CABLES2: variants seen among roughly 807,000 people sequenced by gnomAD.
CABLES2 encodes Cdk5 and Abl enzyme substrate 2, also known as CDK5 and ABL1 enzyme substrate 2.
In CABLES2, 35 loss-of-function variants were observed where a neutral mutation model predicts 44.8. The observed-to-expected ratio is 0.78, with a 90% CI of 0.60 to 1.04. The LOEUF (loss-of-function observed/expected upper bound fraction) is 1.04. Among genes scored for constraint, CABLES2 ranks in the 50% least tolerant of loss-of-function variants. CABLES2 has a pLI of 0.00. For missense variants in CABLES2, 566 were observed against 615.7 expected (o/e 0.92, Z 0.85); for synonymous variants, 282 against 281.1 (o/e 1.00, Z -0.03).
chr20:62,404,002 C>G (rs1569019859), intron 1 of CABLES2: 1 of 151,926 alleles, frequency 6.6e-6, no homozygotes, highest in African/African-American at 2.4e-5. Context: ...CCAGCCTAGA[C>G]AATATAGTGA....
intron 8 of CABLES2, 68 bp downstream of exon 8, chr20:62,392,321 A>G: frequency 8.8e-7 from 1 of 1,142,334 alleles, no homozygotes; most frequent in Non-Finnish European, 1.3e-6. Flanking sequence ...AGAATCTACC[A>G]GAAACTGGAG....
At chr20:62,397,060 C>A (rs1000839010) in intron 1 of CABLES2, among the ~76,000 whole-genome samples, 6 of 152,164 alleles carry the variant, frequency 3.9e-5, no homozygotes, top group Non-Finnish European at 8.8e-5. Context: ...CACCGGGCAC[C>A]CCTTGCTCTC....
At chr20:62,399,191 C>T (rs957903524) in intron 1 of CABLES2, among the ~76,000 whole-genome samples, 2 of 152,088 alleles carry the variant, frequency 1.3e-5, no homozygotes, top group African/African-American at 4.8e-5. Flanking sequence ...CTTAAATGAT[C>T]CGCTGGCCTC....
chr20:62,396,398 G>A lies in CABLES2; in HGVS notation c.444C>T (p.His148=). Residue 148 remains histidine, a synonymous_variant, in exon 3 of 10, where the codon CAC becomes CAT. Transcript: ENST00000279101. This position sits in a 1 kb window ranked among gnomAD's most constrained non-coding sequence, Gnocchi z 5.7. ...CTTTATGTCTCGGTGATCCAGATGT[G>A]TGTTTGGTTCTGCAAGGCAAAGGAC... is the stretch of plus-strand genomic sequence containing the variant. The part of the protein sequence containing the change: ...VGCAPAQRTK[H]TSGSPRHKGL... 6.2e-7 allele frequency: 1 copy of A among 1,613,914 alleles called. No homozygotes were observed. The highest frequency in any genetic ancestry group is 8.5e-7 in the Non-Finnish European group (1 of 1,179,962).
At position 62,398,193 on chromosome 20, in the gene CABLES2, A is replaced by ACGATGG. The variant is rs1988107705; in HGVS notation, c.363-1602_363-1601insCCATCG. On this transcript the variant is annotated intron_variant, in intron 1 of 9. Coordinates refer to ENST00000279101, the MANE Select transcript of CABLES2 (RefSeq NM_031215.3). Reference sequence around the variant, plus strand: ...GGTAATGGTGGTGGTGGTGATGGTGATGATGGTGGTGATGGTGATGTGATG... The same window carrying ACGATGG: ...GGTAATGGTGGTGGTGGTGATGGTGACGATGGTGATGGTGGTGATGGTGATGTGATG... 1.7e-4 allele frequency among the ~76,000 whole-genome samples: 5 copies of ACGATGG among 30,052 alleles called. 1 individual carries two copies. Among genetic ancestry groups the ACGATGG allele is most frequent in the Non-Finnish European group, 2.9e-4 (5 of 17,418 alleles). The allele number at this position is 30,052 out of a possible 152,430, so 19.7% of individuals were successfully genotyped here.
intron 1 of CABLES2, among the ~76,000 whole-genome samples, chr20:62,398,031 A>ATGGTTATGG (rs1988073098): frequency 1.3e-5 from 1 of 75,660 alleles, no homozygotes; most frequent in Non-Finnish European, 2.8e-5. Flanking sequence ...GGTGGTGGTG[A>ATGGTTATGG]CAGTGATGGT....
chr20:62,398,180 G>GAT (rs1276789547), intron 1 of CABLES2, among the ~76,000 whole-genome samples: 1 of 106,814 alleles, frequency 9.4e-6, no homozygotes, highest in Non-Finnish European at 2.1e-5. Flanking sequence ...TAATGGTGGT[G>GAT]GTGGTGATGG....
chr20:62,397,404 C>A (rs1988039608), intron 1 of CABLES2, among the ~76,000 whole-genome samples: 1 of 152,186 alleles, frequency 6.6e-6, no homozygotes, highest in African/African-American at 2.4e-5. Flanking sequence ...GCCCTCCTGC[C>A]TGGACTTCAG....
chr20:62,392,926 C>T lies in CABLES2; in HGVS notation c.978G>A (p.Ser326=), dbSNP rs772837067. The change falls in exon 7 of 10, where the codon TCG becomes TCA. Residue 326 remains serine, a synonymous_variant. Coordinates refer to ENST00000279101, the MANE Select transcript of CABLES2 (RefSeq NM_031215.3). The stretch of plus-strand genomic sequence containing the variant: ...CCTGGGAGAGGGCACTCACCATGTA[C>T]GACGCAAAGATGAGGACACGTTTGT... ...GKHKRVLIFA[S]YMTTVIEYVK... is the part of the protein sequence containing the mutation. 73 of 1,613,478 alleles carry T rather than the reference C, an allele frequency of 4.5e-5. No homozygotes were observed. Among genetic ancestry groups the T allele is most frequent in the Non-Finnish European group, 5.5e-5 (65 of 1,179,710 alleles).
chr20:62,405,627 A>G (rs531945030), intron 1 of CABLES2: 1 of 152,396 alleles, frequency 6.6e-6, no homozygotes, highest in African/African-American at 2.4e-5. Context: ...AAACTTCCCC[A>G]ACCAAAGACC....
chr20:62,392,200 C>G (rs551796342), intron 8 of CABLES2, among the ~76,000 whole-genome samples, 189 bp downstream of exon 8: 1 of 97,514 alleles, frequency 1.0e-5, no homozygotes, highest in African/African-American at 4.1e-5. Flanking sequence ...GATGGGGCCA[C>G]GGGGGGCCTG....
intron 1 of CABLES2, among the ~76,000 whole-genome samples, chr20:62,398,271 C>CGGT (rs72320666): frequency 2.1e-5 from 2 of 95,236 alleles, no homozygotes; most frequent in Admixed American, 1.0e-4. Flanking sequence ...ATGGTGATGG[C>CGGT]GGTGGTGGTG....
Position 62,390,740 on chromosome 20 carries a change from G to A in CABLES2, c.*231C>T, listed in dbSNP as rs533459658. On this transcript the variant is annotated 3_prime_UTR_variant, in exon 10 of 10. Transcript: ENST00000279101. Reference sequence around the variant, plus strand: ...CACATTTAGTTTATGTAAAAATGCAGGAGAATTCTCAGAAATCCCCTCGGA... The same window carrying A: ...CACATTTAGTTTATGTAAAAATGCAAGAGAATTCTCAGAAATCCCCTCGGA... The A allele has an allele frequency of 3.7e-4, 211 of 565,738 alleles. 1 individual carries two copies. Among genetic ancestry groups the A allele is most frequent in the African/African-American group, 3.5e-3 (186 of 53,596 alleles). The allele number at this position is 565,738 out of a possible 1,614,324, so 35.0% of individuals were successfully genotyped here. A position where few individuals can be genotyped will look rare whatever the true frequency, so the allele number is the denominator to read the frequency against.
intron 8 of CABLES2, 145 bp downstream of exon 8, chr20:62,392,244 C>CT (rs1234232603): frequency 1.7e-6 from 1 of 590,230 alleles, no homozygotes; most frequent in Non-Finnish European, 2.9e-6. Flanking sequence ...GGAGCTGCTG[C>CT]TGGGGGCCTG....
In CABLES2 at chr20:62,391,293, T is replaced by C. The variant is rs1039329951; in HGVS notation, c.1252A>G (p.Ile418Val). ...AGACVLLAAK[I>V]SSDLRKSGVT... ...CCGCTCTTGCGCAGGTCACTGCTGA[T>C]CTTGGCAGCCAGCAGCACGCAGGCG... The change falls in exon 9 of 10, where the codon ATC (isoleucine) becomes GTC (valine). Residue 418 changes from isoleucine to valine, a missense_variant. Ile to Val is a conservative substitution (Grantham distance 29). Transcript: ENST00000279101. The surrounding 1 kb of genome is among the most constrained non-coding windows in gnomAD (Gnocchi z 5.7). 6.2e-7 allele frequency: 1 copy of C among 1,612,870 alleles called. No individual in the cohort carries two copies. The highest frequency in any genetic ancestry group is 1.3e-5 in the African/African-American group (1 of 74,940).
intron 1 of CABLES2, chr20:62,402,506 G>C (rs1247086991): frequency 1.3e-5 from 2 of 152,174 alleles, no homozygotes; most frequent in East Asian, 1.9e-4. Context: ...GTCCCACGGC[G>C]TGCCCACGCC....
intron 1 of CABLES2, among the ~76,000 whole-genome samples, chr20:62,398,021 G>A (rs1435562286): frequency 2.8e-5 from 4 of 140,506 alleles, no homozygotes; most frequent in Non-Finnish European, 4.5e-5. Context: ...TGGCGGTGGT[G>A]GTGGTGGTGA....
chr20:62,395,010 C>T lies in CABLES2; in HGVS notation c.532G>A (p.Val178Met), dbSNP rs772954205. ...RQYDTRNSRI[V>M]LICAKRSLCA... ...AGGGACCGCTTGGCACAGATGAGCA[C>T]GATCCTGCAGGGGGACGGAGTCAGG... is the stretch of plus-strand genomic sequence containing the variant. The change falls in exon 4 of 10, where the codon GTG (valine) becomes ATG (methionine). Residue 178 changes from valine to methionine, a missense_variant. Transcript: ENST00000279101. The T allele has an allele frequency of 3.7e-5, 60 of 1,612,738 alleles. No homozygotes were observed. Among genetic ancestry groups the T allele is most frequent in the Middle Eastern group, 1.6e-4 (1 of 6,080 alleles).
chr20:62,398,331 CGATGGTGGTGAT>C (rs1569018090), intron 1 of CABLES2, among the ~76,000 whole-genome samples: 2 of 126,108 alleles, frequency 1.6e-5, no homozygotes, highest in African/African-American at 3.0e-5. Flanking sequence ...GTGGTGGTGA[CGATGGTGGTGAT>C]GGTGATGACG....
Sources: gnomAD v4.1 joint callset for allele counts (sites outside exome capture counted in the v4.1 genomes callset) on GRCh38, gnomAD v4.1.1 for gene constraint, Gnocchi (gnomAD v3.1) non-coding constraint, MANE v1.5 for transcripts, NCBI Gene and HGNC (gene_info 2026-07-23, HGNC 2026-07-21) for gene names.